The following DENND5B variants were observed in gnomAD, a reference collection of about 807,000 sequenced individuals.
DENND5B encodes DENN domain-containing protein 5B.
In DENND5B, 34 loss-of-function variants were observed where a neutral mutation model predicts 140.6. The ratio of observed to expected loss-of-function variants is 0.24; its 90% confidence interval spans 0.18 to 0.32. The LOEUF (loss-of-function observed/expected upper bound fraction) is 0.32. Ranked by LOEUF, DENND5B falls within the 10% of genes least tolerant of loss-of-function variation. The pLI, the probability that DENND5B is intolerant of heterozygous loss-of-function variation, is 1.00. For synonymous variants in DENND5B, 551 were observed against 562.1 expected (o/e 0.98, Z 0.28); for missense variants, 1,142 against 1,560.2 (o/e 0.73, Z 4.52).
chr12:31,586,410 T>C (rs1950394654), intron 1 of DENND5B, among the ~76,000 whole-genome samples: 1 of 152,236 alleles, frequency 6.6e-6, no homozygotes, highest in Admixed American at 6.5e-5. Flanking sequence ...AACTTCGATG[T>C]GGTACAGAAA....
chr12:31,433,311 TCAACA>T lies in DENND5B; in HGVS notation c.2013-68_2013-64del, dbSNP rs1943600297. The T allele has an allele frequency of 6.3e-6, 9 of 1,425,500 alleles. No homozygotes were observed. The African/African-American group carries it at 1.0e-4, about 16-fold the overall frequency. 88.3% of individuals were successfully genotyped at this position (1,425,500 alleles called of 1,614,324 possible). A position where few individuals can be genotyped will look rare whatever the true frequency, so the allele number is the denominator to read the frequency against. ...CTTTAAAATAGAAAGCATTAACCAT[TCAACA>T]CAAAAGACTGACACACACATTTTAA... On this transcript the variant is annotated intron_variant, in intron 7 of 20. Coordinates refer to ENST00000389082, the MANE Select transcript of DENND5B (RefSeq NM_144973.4).
intron 5 of DENND5B, among the ~76,000 whole-genome samples, chr12:31,449,426 T>C (rs574579015): frequency 6.6e-6 from 1 of 152,296 alleles, no homozygotes; most frequent in Admixed American, 6.5e-5. Context: ...AAATAGCCTT[T>C]TTTTAAAAAA....
chr12:31,391,694 C>A (rs998178152), intron 19 of DENND5B, among the ~76,000 whole-genome samples: 2 of 152,040 alleles, frequency 1.3e-5, no homozygotes, highest in Non-Finnish European at 2.9e-5. Flanking sequence ...ACTCTGTCGC[C>A]CAGGCTGGAG....
At position 31,452,077 on chromosome 12, in the gene DENND5B, G is replaced by C; in HGVS notation, c.1492C>G (p.Leu498Val). ...AAGACCTCTCGGAGCTGTACATTGA[G>C]CTGGTAGTCCCTTAGTTCTGCCTCT... ...CEEAELRDYQ[L>V]NVQLREVFAN... The change falls in exon 5 of 21, where the codon CTC becomes GTC. Residue 498 changes from leucine to valine, a missense_variant. Leu to Val is a conservative substitution (Grantham distance 32). This residue lies in a region of DENND5B where 708 missense variants were observed against 905.5 expected (regional missense o/e 0.78). Transcript: ENST00000389082. The C allele has an allele frequency of 6.2e-7, 1 of 1,613,970 alleles. No individual in the cohort carries two copies. The highest frequency in any genetic ancestry group is 8.5e-7 in the Non-Finnish European group (1 of 1,179,900).
In DENND5B at chr12:31,484,892, T is replaced by A. The variant is rs146175910; in HGVS notation, c.238-4637A>T. Among the ~76,000 whole-genome samples, 44 of 152,262 alleles carry A rather than the reference T, an allele frequency of 2.9e-4. No individual in the cohort carries two copies. In the East Asian group the frequency reaches 7.5e-3, roughly 26 times the overall value. On this transcript the variant is annotated intron_variant, in intron 2 of 20. Transcript: ENST00000389082. ...ATTCTACACAGCAACAACGAACCAT[T>A]TCTCAATCAAATTGTCATGTGCAAC...
At chr12:31,416,117 G>A (rs1463060647) in intron 11 of DENND5B, among the ~76,000 whole-genome samples, 5 of 152,086 alleles carry the variant, frequency 3.3e-5, no homozygotes, top group Admixed American at 2.0e-4. Flanking sequence ...AATTACAAGC[G>A]TGAGCCACCG....
chr12:31,578,513 C>T (rs1033526654), intron 1 of DENND5B, among the ~76,000 whole-genome samples: 3 of 152,214 alleles, frequency 2.0e-5, no homozygotes, highest in Non-Finnish European at 4.4e-5. Context: ...ATGTATGGGG[C>T]TATGCACAAT....
chr12:31,458,013 C>T (rs11615976), intron 4 of DENND5B, among the ~76,000 whole-genome samples: 17,886 of 151,976 alleles, frequency 0.12, 1,185 homozygotes, highest in East Asian at 0.25. Context: ...CACGCCCAGC[C>T]GAAGCACTGC....
chr12:31,460,189 T>A lies in DENND5B; in HGVS notation c.1092+5A>T, dbSNP rs1487627746. 1 of 1,606,926 alleles carries A rather than the reference T, an allele frequency of 6.2e-7. No individual in the cohort carries two copies. Among genetic ancestry groups the A allele is most frequent in the Non-Finnish European group, 8.5e-7 (1 of 1,175,700 alleles). On this transcript the variant is annotated splice_donor_5th_base_variant and intron_variant, in intron 4 of 20. Transcript: ENST00000389082. ...CAAATGCTTCATCATTCATTGTAGT[T>A]TTACCTCTTGAGGAAGTTCTAGTTT...
At chr12:31,443,395 G>T (rs1301738737) in intron 6 of DENND5B, among the ~76,000 whole-genome samples, 1 of 152,012 alleles carries the variant, frequency 6.6e-6, no homozygotes. Context: ...TTTTTACAAG[G>T]GCTCTTCAGA....
chr12:31,501,976 T>C (rs1382269592), intron 1 of DENND5B, among the ~76,000 whole-genome samples: 3 of 152,058 alleles, frequency 2.0e-5, no homozygotes, highest in African/African-American at 4.8e-5. Flanking sequence ...AACAACTTTA[T>C]TTTAGAAATT....
intron 17 of DENND5B, among the ~76,000 whole-genome samples, chr12:31,393,607 A>G (rs1282999802): frequency 6.6e-6 from 1 of 152,246 alleles, no homozygotes; most frequent in African/African-American, 2.4e-5. Context: ...AATTTACTTA[A>G]CACACTATAA....
intron 1 of DENND5B, among the ~76,000 whole-genome samples, chr12:31,526,469 GCTC>G (rs1948085998): frequency 6.6e-6 from 1 of 152,140 alleles, no homozygotes; most frequent in Non-Finnish European, 1.5e-5. Flanking sequence ...ATATTCTAGT[GCTC>G]CTAAGTTTTA....
At chr12:31,448,673 C>G (rs1455218072) in intron 5 of DENND5B, among the ~76,000 whole-genome samples, 4 of 152,144 alleles carry the variant, frequency 2.6e-5, no homozygotes, top group Non-Finnish European at 5.9e-5. Context: ...ATTCCTTCCA[C>G]ACCTGTGCTG....
chr12:31,565,789 C>T (rs777792182), intron 1 of DENND5B, among the ~76,000 whole-genome samples: 7 of 152,096 alleles, frequency 4.6e-5, no homozygotes, highest in Non-Finnish European at 7.4e-5. Flanking sequence ...ATTCATTTAA[C>T]GTCTCTAAAC....
At chr12:31,457,839 G>A (rs546382333) in intron 4 of DENND5B, among the ~76,000 whole-genome samples, 55 of 151,446 alleles carry the variant, frequency 3.6e-4, no homozygotes, top group African/African-American at 9.9e-4. Context: ...TCAGCCTCCC[G>A]AGTAGCTGGG....
intron 17 of DENND5B, among the ~76,000 whole-genome samples, chr12:31,395,753 T>C (rs1941408415): frequency 1.3e-5 from 2 of 152,104 alleles, no homozygotes; most frequent in Non-Finnish European, 2.9e-5. Flanking sequence ...CTACTTGTGG[T>C]TATAATCTAT....
chr12:31,419,995 A>AT (rs60542528), intron 11 of DENND5B: 5 of 978,810 alleles, frequency 5.1e-6, no homozygotes, highest in Non-Finnish European at 4.8e-6. Flanking sequence ...AAAAAAAAAA[A>AT]GGAAAAAAGG....
chr12:31,510,351 T>TGTCA (rs1329693743), intron 1 of DENND5B, among the ~76,000 whole-genome samples: 1 of 152,186 alleles, frequency 6.6e-6, no homozygotes, highest in Non-Finnish European at 1.5e-5. Context: ...AGTCTCCCTC[T>TGTCA]GTCACCCAGG....
Sources: allele counts gnomAD v4.1 joint callset (sites outside exome capture counted in the v4.1 genomes callset), GRCh38; gene constraint gnomAD v4.1.1; regional missense constraint gnomAD v4.1.1; transcripts MANE v1.5; gene names NCBI Gene and HGNC (gene_info 2026-07-23, HGNC 2026-07-21).